WWTR1: variants seen among roughly 807,000 people sequenced by gnomAD.
WWTR1 encodes WW domain-containing transcription regulator protein 1.
Under a neutral mutation model 40.1 loss-of-function variants are expected in WWTR1, and 13 were observed. That is an observed-to-expected ratio of 0.32 (90% CI 0.21 to 0.52). The LOEUF (loss-of-function observed/expected upper bound fraction) is 0.52. WWTR1 is among the 20% of genes least tolerant of loss of function. WWTR1 has a pLI of 0.97. For synonymous variants in WWTR1, 230 were observed against 210.1 expected (o/e 1.09, Z -0.82); for missense variants, 436 against 523.1 (o/e 0.83, Z 1.63).
intron 2 of WWTR1, among the ~76,000 whole-genome samples, chr3:149,578,238 G>A (rs1737981777): frequency 6.6e-6 from 1 of 152,086 alleles, no homozygotes; most frequent in Non-Finnish European, 1.5e-5. Flanking sequence ...TTTAATATTA[G>A]CTCTGACCCT....
intron 3 of WWTR1, among the ~76,000 whole-genome samples, chr3:149,548,586 TGAG>T (rs926308442): frequency 1.3e-5 from 2 of 152,236 alleles, no homozygotes; most frequent in Non-Finnish European, 2.9e-5. Flanking sequence ...GGGCTGGCTC[TGAG>T]TAGATCATGG....
chr3:149,527,153 CTTTCTTT>C (rs1338361202), intron 5 of WWTR1, among the ~76,000 whole-genome samples: 53 of 144,366 alleles, frequency 3.7e-4, no homozygotes, highest in Non-Finnish European at 3.8e-4. Flanking sequence ...CTTTTCTTTT[CTTTCTTT>C]TTTTTTTTTT....
rs529226117 is a variant in WWTR1, at chr3:149,525,066, G to T, written c.1018+947C>A. Among the ~76,000 whole-genome samples the T allele has an allele frequency of 2.0e-5, 3 of 152,302 alleles. No homozygotes were observed. The East Asian group carries it at 5.8e-4, about 29-fold the overall frequency. ...CCTTGAGAAAAGGAGAAAAAGAAAG[G>T]TAATCGGGAAGCCTGGTGAGGCTGG... On this transcript the variant is annotated intron_variant, in intron 6 of 6. Coordinates refer to ENST00000360632, the MANE Select transcript of WWTR1 (RefSeq NM_015472.6).
intron 2 of WWTR1, among the ~76,000 whole-genome samples, chr3:149,666,306 C>G (rs959028554): frequency 6.6e-6 from 1 of 152,180 alleles, no homozygotes; most frequent in Non-Finnish European, 1.5e-5. Flanking sequence ...GAGAAGAGAG[C>G]CCTCCAAACC....
intron 3 of WWTR1, among the ~76,000 whole-genome samples, chr3:149,544,396 G>A (rs766990850): frequency 4.6e-5 from 7 of 152,248 alleles, no homozygotes; most frequent in East Asian, 1.9e-4. Flanking sequence ...TTCCTGCTGC[G>A]TGTCATGCAC....
At chr3:149,571,542 C>T (rs549343863) in intron 3 of WWTR1, among the ~76,000 whole-genome samples, 1 of 152,238 alleles carries the variant, frequency 6.6e-6, no homozygotes, top group East Asian at 1.9e-4. Context: ...GAGGTTGTTC[C>T]ATGTCATTTG....
At chr3:149,530,938 CTTT>C (rs753375505) in intron 4 of WWTR1, among the ~76,000 whole-genome samples, 3 of 143,148 alleles carry the variant, frequency 2.1e-5, no homozygotes, top group Non-Finnish European at 1.5e-5. Context: ...GGAATGATTG[CTTT>C]TTTTTTTTTT....
chr3:149,675,004 G>T (rs1383578546), intron 1 of WWTR1, among the ~76,000 whole-genome samples: 1 of 152,226 alleles, frequency 6.6e-6, no homozygotes, highest in Admixed American at 6.5e-5. Context: ...AATGTGGGGA[G>T]ACCAGTTGGT....
chr3:149,724,402 T>C (rs1483308717), intron 3 of WWTR1, among the ~76,000 whole-genome samples: 2 of 152,084 alleles, frequency 1.3e-5, no homozygotes, highest in African/African-American at 4.8e-5. Flanking sequence ...AGAATCAATG[T>C]GATCCCCCCT....
At chr3:149,556,124 G>T (rs1262340046) in intron 3 of WWTR1, among the ~76,000 whole-genome samples, 4 of 152,232 alleles carry the variant, frequency 2.6e-5, no homozygotes, top group Non-Finnish European at 5.9e-5. Context: ...CTTGCCTGTG[G>T]TGAGCACTGT....
chr3:149,563,103 A>G (rs886817311), intron 3 of WWTR1, among the ~76,000 whole-genome samples: 7 of 152,156 alleles, frequency 4.6e-5, no homozygotes, highest in Non-Finnish European at 8.8e-5. Flanking sequence ...CAGCCAGCAA[A>G]CAGGATGAAA....
At chr3:149,569,525 C>G (rs1737522958) in intron 3 of WWTR1, among the ~76,000 whole-genome samples, 1 of 152,142 alleles carries the variant, frequency 6.6e-6, no homozygotes, top group Non-Finnish European at 1.5e-5. Context: ...GTCAGACACC[C>G]AAGTCCATGT....
intron 1 of WWTR1, among the ~76,000 whole-genome samples, chr3:149,682,695 G>A (rs547458715): frequency 6.6e-6 from 1 of 152,234 alleles, no homozygotes; most frequent in South Asian, 2.1e-4. Context: ...CACTACCAAG[G>A]TTTCAAAAAG....
intron 4 of WWTR1, among the ~76,000 whole-genome samples, chr3:149,532,109 G>A (rs770782035): frequency 6.6e-6 from 1 of 152,294 alleles, no homozygotes; most frequent in East Asian, 1.9e-4. Flanking sequence ...TTAACCCTCT[G>A]TTCTTCATTT....
chr3:149,642,181 G>A (rs1712208390), intron 2 of WWTR1, among the ~76,000 whole-genome samples: 1 of 152,100 alleles, frequency 6.6e-6, no homozygotes, highest in African/African-American at 2.4e-5. Context: ...AGCACTTTGG[G>A]AGGCCGAGGC....
At chr3:149,664,320 G>A (rs1002654855) in intron 2 of WWTR1, among the ~76,000 whole-genome samples, 40 of 152,212 alleles carry the variant, frequency 2.6e-4, no homozygotes, top group African/African-American at 9.4e-4. Flanking sequence ...ATTGAATAAG[G>A]TTCAACATGA....
At chr3:149,528,768 C>CA (rs1045079517) in intron 4 of WWTR1, among the ~76,000 whole-genome samples, 10 of 150,684 alleles carry the variant, frequency 6.6e-5, no homozygotes, top group Middle Eastern at 3.4e-3. Flanking sequence ...GACGCTGTCT[C>CA]AAAAAAAACA....
intron 4 of WWTR1, among the ~76,000 whole-genome samples, chr3:149,541,853 A>G: frequency 6.6e-6 from 1 of 152,168 alleles, no homozygotes; most frequent in South Asian, 2.1e-4. Context: ...CCACTTAGGT[A>G]AAGCCATTGT....
At chr3:149,573,081 T>C (rs574280322) in intron 2 of WWTR1, 81 bp from the exon 3 acceptor site, 1 of 1,384,678 alleles carries the variant, frequency 7.2e-7, no homozygotes, top group Non-Finnish European at 9.9e-7. Flanking sequence ...TAATAGTTAA[T>C]GACACTAATT....
Sources: allele counts gnomAD v4.1 joint callset (sites outside exome capture counted in the v4.1 genomes callset), GRCh38; gene constraint gnomAD v4.1.1; transcripts MANE v1.5; gene names NCBI Gene and HGNC (gene_info 2026-07-23, HGNC 2026-07-21).